ALMS1: variants seen among roughly 807,000 people sequenced by gnomAD.
ALMS1 encodes the protein centrosome-associated protein ALMS1.
In ALMS1, 271 loss-of-function variants were observed where a neutral mutation model predicts 352.2. The ratio of observed to expected loss-of-function variants is 0.77; its 90% CI spans 0.70 to 0.85. The LOEUF (loss-of-function observed/expected upper bound fraction) is 0.85, where lower values mean the gene tolerates loss of function less well. Ranked by LOEUF, ALMS1 falls within the 40% of genes least tolerant of loss-of-function variation. The pLI is 0.00. For synonymous variants in ALMS1, 1,865 were observed against 1,761.2 expected (o/e 1.06, Z -1.48); for missense variants, 5,445 against 4,870.7 (o/e 1.12, Z -3.51).
At chr2:73,535,078 T>A in intron 12 of ALMS1, 129 bp downstream of exon 12, 1 of 1,147,742 alleles carries the variant, frequency 8.7e-7, no homozygotes, top group Non-Finnish European at 1.3e-6. Context: ...TTTCATACCT[T>A]GATCTCTGGT....
chr2:73,583,759 T>C (rs767944605), intron 16 of ALMS1, among the ~76,000 whole-genome samples: 3 of 152,214 alleles, frequency 2.0e-5, no homozygotes, highest in Admixed American at 6.5e-5. Context: ...CTGAGTGGTC[T>C]TGGCACCCTC....
At chr2:73,468,833 T>C (rs1382359101) in intron 9 of ALMS1, among the ~76,000 whole-genome samples, 1 of 151,974 alleles carries the variant, frequency 6.6e-6, no homozygotes, top group Non-Finnish European at 1.5e-5. Context: ...TTCTGTCCTT[T>C]TTCTATTTGT....
At chr2:73,563,595 C>T (rs1277979182) in intron 15 of ALMS1, among the ~76,000 whole-genome samples, 3 of 151,414 alleles carry the variant, frequency 2.0e-5, no homozygotes, top group Non-Finnish European at 4.4e-5. Context: ...TGGTGGCAGG[C>T]GCCTGTAGTC....
At chr2:73,545,144 A>T (rs1165603364) in intron 12 of ALMS1, among the ~76,000 whole-genome samples, 3 of 151,476 alleles carry the variant, frequency 2.0e-5, no homozygotes, top group Admixed American at 2.0e-4. Flanking sequence ...ACTTAATGCC[A>T]CTGAAGTGTA....
intron 10 of ALMS1, among the ~76,000 whole-genome samples, chr2:73,517,265 T>C (rs528504643): frequency 2.7e-5 from 4 of 148,520 alleles, no homozygotes. Context: ...TTTTTTTTTC[T>C]TATAGAGACA....
At position 73,601,303 on chromosome 2, in the gene ALMS1, C is replaced by G. The variant is rs543096597; in HGVS notation, c.11981C>G (p.Thr3994Ser). 6.2e-7 allele frequency: 1 copy of G among 1,614,210 alleles called. No individual in the cohort carries two copies. Among genetic ancestry groups the G allele is most frequent in the Admixed American group, 1.7e-5 (1 of 60,034 alleles). ...GISWFEPITK[T>S]RPWREPLREQ... ...TCCTGGTTTGAACCAATAACCAAGA[C>G]CAGACCCTGGAGGGAGCCACTGCGG... Residue 3994 changes from threonine (T) to serine (S), a missense_variant, in exon 19 of 23, where the codon ACC becomes AGC. Transcript: ENST00000613296.
chr2:73,596,860 C>CTTTTTTTTTTTTT (rs70965740), intron 16 of ALMS1, among the ~76,000 whole-genome samples: 37 of 104,242 alleles, frequency 3.5e-4, no homozygotes, highest in Admixed American at 3.7e-4. Context: ...CCCTCTACCT[C>CTTTTTTTTTTTTT]TTTTTTTTTT....
intron 16 of ALMS1, chr2:73,573,727 A>T (rs1251013007): frequency 1.8e-6 from 1 of 563,598 alleles, no homozygotes; most frequent in Admixed American, 3.1e-5. Flanking sequence ...TATCCTGAAC[A>T]ATATTGCTGG....
intron 10 of ALMS1, among the ~76,000 whole-genome samples, chr2:73,495,008 T>G (rs1673073562): frequency 6.6e-6 from 1 of 152,208 alleles, no homozygotes; most frequent in Admixed American, 6.5e-5. Flanking sequence ...TAAGGAGAAT[T>G]GTTCTTCCCT....
intron 12 of ALMS1, among the ~76,000 whole-genome samples, chr2:73,546,278 C>G (rs1674317969): frequency 1.3e-5 from 2 of 152,026 alleles, no homozygotes; most frequent in Non-Finnish European, 2.9e-5. Flanking sequence ...GATATATAAC[C>G]AAGGTTTAGT....
Position 73,609,809 on chromosome 2 carries a change from T to C in ALMS1, c.*197T>C. 3.3e-6 allele frequency: 2 copies of C among 600,888 alleles called. No individual in the cohort carries two copies. The highest frequency in any genetic ancestry group is 1.9e-5 in the South Asian group (1 of 51,488). The allele number at this position is 600,888 out of a possible 1,614,324, so 37.2% of individuals were successfully genotyped here. A position where few individuals can be genotyped will look rare whatever the true frequency, so the allele number is the denominator to read the frequency against. ...TTTGGGAGCAATACTTTCTGCATAG[T>C]GGCCTTGTCCAATGGCCTGTGTGTT... On this transcript the variant is annotated 3_prime_UTR_variant, in exon 23 of 23. Transcript: ENST00000613296.
At position 73,534,865 on chromosome 2, in the gene ALMS1, A is replaced by G. The variant is rs779574582; in HGVS notation, c.9823A>G (p.Lys3275Glu). The G allele has an allele frequency of 4.3e-6, 7 of 1,613,660 alleles. No individual in the cohort carries two copies. The Admixed American group carries it at 1.2e-4, about 27-fold the overall frequency. Residue 3275 changes from lysine to glutamate, a missense_variant, in exon 12 of 23, where the codon AAG (lysine) becomes GAG (glutamate). By Grantham distance (56) the Lys-to-Glu change is moderately conservative (BLOSUM62 1). Transcript: ENST00000613296. ...GCCATATAAGCCTTCTGGTAGTACCAAGATGTATTATGTTCCACAATTAAG... is the reference window on the plus strand; with the variant it reads ...GCCATATAAGCCTTCTGGTAGTACCGAGATGTATTATGTTCCACAATTAAG... The part of the protein sequence containing the change: ...LLPYKPSGST[K>E]MYYVPQLRQI...
At chr2:73,411,537 CT>C (rs975533235) in intron 2 of ALMS1, among the ~76,000 whole-genome samples, 6 of 152,110 alleles carry the variant, frequency 3.9e-5, no homozygotes, top group Non-Finnish European at 8.8e-5. Flanking sequence ...TGATGTCTTC[CT>C]TTTTTTCCTG....
chr2:73,603,466 A>AAT, intron 21 of ALMS1, 162 bp downstream of exon 21: 1 of 671,566 alleles, frequency 1.5e-6, no homozygotes, highest in Non-Finnish European at 2.6e-6. Context: ...AAAAAAAAAA[A>AAT]GCACATCATG....
intron 12 of ALMS1, among the ~76,000 whole-genome samples, chr2:73,536,148 A>G (rs1478504499): frequency 6.6e-6 from 1 of 152,222 alleles, no homozygotes; most frequent in East Asian, 1.9e-4. Context: ...TGGCTACCAG[A>G]AAGAAAACAA....
chr2:73,598,962 T>C (rs899924053), intron 16 of ALMS1, among the ~76,000 whole-genome samples: 6 of 152,164 alleles, frequency 3.9e-5, no homozygotes, highest in African/African-American at 1.2e-4. Context: ...TGTAGGTCTT[T>C]GGTGTTTGTC....
intron 9 of ALMS1, among the ~76,000 whole-genome samples, chr2:73,463,047 A>G (rs1374186682): frequency 1.3e-5 from 2 of 152,180 alleles, no homozygotes; most frequent in Non-Finnish European, 2.9e-5. Context: ...AGACAGATCA[A>G]CGAGACAGAA....
At chr2:73,486,849 A>C (rs1360618305) in intron 9 of ALMS1, among the ~76,000 whole-genome samples, 4 of 152,174 alleles carry the variant, frequency 2.6e-5, no homozygotes, top group Non-Finnish European at 5.9e-5. Context: ...CAGGAGTTGG[A>C]GACCAGCCTG....
chr2:73,483,736 G>C (rs1345151953), intron 9 of ALMS1, among the ~76,000 whole-genome samples: 8 of 149,360 alleles, frequency 5.4e-5, no homozygotes, highest in Admixed American at 2.0e-4. Flanking sequence ...CTCAGGACTT[G>C]CTTTATGAAT....
Sources: gnomAD v4.1 joint callset for allele counts (sites outside exome capture counted in the v4.1 genomes callset) on GRCh38, gnomAD v4.1.1 for gene constraint, MANE v1.5 for transcripts, NCBI Gene and HGNC (gene_info 2026-07-23, HGNC 2026-07-21) for gene names.